Variants in PLCB4 observed in about 807,000 individuals in gnomAD.
The protein encoded by PLCB4 is phospholipase C beta 4.
PLCB4 carries 77 observed loss-of-function variants against 178.8 expected under a neutral mutation model. That is an observed-to-expected ratio of 0.43 (90% CI 0.36 to 0.52). The LOEUF (loss-of-function observed/expected upper bound fraction) is 0.52, where lower values mean the gene tolerates loss of function less well. Ranked by LOEUF, PLCB4 falls within the 20% of genes least tolerant of loss-of-function variation. The pLI is 0.00. For synonymous variants in PLCB4, 496 were observed against 490.8 expected (o/e 1.01, Z -0.14); for missense variants, 1,024 against 1,453.4 (o/e 0.70, Z 4.80).
At chr20:9,445,386 C>A (rs1221456885) in intron 32 of PLCB4, among the ~76,000 whole-genome samples, 3 of 152,160 alleles carry the variant, frequency 2.0e-5, no homozygotes, top group Non-Finnish European at 4.4e-5. Flanking sequence ...AGCCTCAAAC[C>A]AAGGCATGTC....
intron 3 of PLCB4, among the ~76,000 whole-genome samples, chr20:9,240,285 T>C (rs2094044379): frequency 6.6e-6 from 1 of 152,140 alleles, no homozygotes; most frequent in African/African-American, 2.4e-5. Flanking sequence ...GAAGAATTTT[T>C]TTTATGACCA....
At position 9,307,808 on chromosome 20, in the gene PLCB4, T is replaced by C; in HGVS notation, c.-7T>C. The C allele has an allele frequency of 6.4e-7, 1 of 1,553,664 alleles. No homozygotes were observed. The highest frequency in any genetic ancestry group is 8.8e-7 in the Non-Finnish European group (1 of 1,134,762). On this transcript the variant is annotated 5_prime_UTR_variant, in exon 4 of 40. Coordinates refer to ENST00000378473, the MANE Select transcript of PLCB4 (RefSeq NM_001377142.1). ...TTCTTTTTCATTTTTAGGTCTTGAA[T>C]ATAATCATGGCCAAACCTTATGAAT...
rs1170757028 is a variant in PLCB4, at chr20:9,156,877, CTTCT to C, written c.-78-60509_-78-60506del. ...CCTTCCTTCCTTCCTTCCTTCCTTCCTTCTTTCCCTCTTTGGGCTTTAGTGGAGC... is the reference window on the plus strand; with the variant it reads ...CCTTCCTTCCTTCCTTCCTTCCTTCCTTCCCTCTTTGGGCTTTAGTGGAGC... On this transcript the variant is annotated intron_variant, in intron 2 of 39. Coordinates refer to ENST00000378473, the MANE Select transcript of PLCB4 (RefSeq NM_001377142.1). Among the ~76,000 whole-genome samples, 4 of 134,542 alleles carry C rather than the reference CTTCT, an allele frequency of 3.0e-5. No individual in the cohort carries two copies. In the South Asian group the frequency reaches 8.7e-4, roughly 29 times the overall value. 88.3% of individuals were successfully genotyped at this position (134,542 alleles called of 152,430 possible).
At chr20:9,300,901 A>G (rs1281956634) in intron 3 of PLCB4, among the ~76,000 whole-genome samples, 4 of 152,028 alleles carry the variant, frequency 2.6e-5, no homozygotes, top group Non-Finnish European at 5.9e-5. Context: ...AAAGTAACCA[A>G]AATTTATTCT....
chr20:9,071,572 C>G (rs898899865), intron 1 of PLCB4, among the ~76,000 whole-genome samples: 1 of 151,964 alleles, frequency 6.6e-6, no homozygotes, highest in African/African-American at 2.4e-5. Flanking sequence ...ATTTTCATCC[C>G]CAGTTTTTCA....
Position 9,479,074 on chromosome 20 carries a change from G to T in PLCB4, c.*65G>T. On this transcript the variant is annotated 3_prime_UTR_variant, in exon 40 of 40. Transcript: ENST00000378473. ...ACTTCTGAACACAAACTCCATGGAT[G>T]AAAGCTGTTTATTTTGTTTCCTTTA... 1 of 1,101,406 alleles carries T rather than the reference G, an allele frequency of 9.1e-7. No individual in the cohort carries two copies. Among genetic ancestry groups the T allele is most frequent in the South Asian group, 1.3e-5 (1 of 77,216 alleles). 68.2% of individuals were successfully genotyped at this position (1,101,406 alleles called of 1,614,324 possible).
At chr20:9,071,284 T>C (rs2089559503) in intron 1 of PLCB4, among the ~76,000 whole-genome samples, 1 of 152,206 alleles carries the variant, frequency 6.6e-6, no homozygotes, top group Non-Finnish European at 1.5e-5. Context: ...TTTAGATTAA[T>C]GTATACTGCT....
chr20:9,420,750 T>C (rs1424452024), intron 26 of PLCB4, among the ~76,000 whole-genome samples: 1 of 152,246 alleles, frequency 6.6e-6, no homozygotes, highest in Non-Finnish European at 1.5e-5. Context: ...CTATAGTCAT[T>C]TAAACACTAA....
At chr20:9,308,603 C>T (rs2094797168) in intron 4 of PLCB4, among the ~76,000 whole-genome samples, 1 of 152,154 alleles carries the variant, frequency 6.6e-6, no homozygotes. Context: ...ATTAAAACTT[C>T]ATTTAGAGTC....
chr20:9,242,225 T>A (rs1569004818), intron 3 of PLCB4, among the ~76,000 whole-genome samples: 1 of 152,228 alleles, frequency 6.6e-6, no homozygotes, highest in Non-Finnish European at 1.5e-5. Context: ...CAAAGCAGTC[T>A]GCCGCAAGCT....
chr20:9,475,029 C>T (rs1391357115), intron 38 of PLCB4, among the ~76,000 whole-genome samples: 1 of 152,210 alleles, frequency 6.6e-6, no homozygotes, highest in Non-Finnish European at 1.5e-5. Context: ...GATAAAGTCA[C>T]CATCTCCAAA....
intron 2 of PLCB4, among the ~76,000 whole-genome samples, chr20:9,202,959 G>A (rs1490544681): frequency 1.3e-5 from 2 of 149,196 alleles, no homozygotes; most frequent in Non-Finnish European, 3.0e-5. Context: ...GGTAACTGCT[G>A]TATCGCACTG....
chr20:9,460,481 T>G (rs2043323038), intron 35 of PLCB4, among the ~76,000 whole-genome samples: 1 of 152,224 alleles, frequency 6.6e-6, no homozygotes, highest in African/African-American at 2.4e-5. Flanking sequence ...AAGATAAGCC[T>G]GATTAAAAAA....
chr20:9,374,766 G>C lies in PLCB4; in HGVS notation c.744+1662G>C, dbSNP rs559108293. Among the ~76,000 whole-genome samples the C allele has an allele frequency of 2.3e-4, 35 of 152,082 alleles. No individual in the cohort carries two copies. The South Asian group carries it at 6.4e-3, about 28-fold the overall frequency. On this transcript the variant is annotated intron_variant, in intron 12 of 39. Transcript: ENST00000378473. ...TTCCTTTTATGGGTTGTTTTTGTTG[G>C]TGCTCCCAACAGTCACTCCTGTAAT...
chr20:9,381,881 C>T (rs547629527), intron 13 of PLCB4, among the ~76,000 whole-genome samples: 15 of 152,260 alleles, frequency 9.9e-5, no homozygotes, highest in African/African-American at 3.4e-4. Context: ...GATACCAGAG[C>T]GGCACAGTTC....
intron 3 of PLCB4, among the ~76,000 whole-genome samples, chr20:9,226,692 G>A (rs1472316440): frequency 6.6e-6 from 1 of 152,128 alleles, no homozygotes; most frequent in East Asian, 1.9e-4. Flanking sequence ...ATGAGGCTCA[G>A]AACTAATTTC....
intron 4 of PLCB4, among the ~76,000 whole-genome samples, chr20:9,330,379 C>G (rs943763535): frequency 1.3e-5 from 2 of 151,708 alleles, no homozygotes; most frequent in African/African-American, 4.9e-5. Context: ...CCATTCTTAT[C>G]AAACCAGGAA....
At chr20:9,159,533 T>C (rs953672884) in intron 2 of PLCB4, among the ~76,000 whole-genome samples, 4 of 152,326 alleles carry the variant, frequency 2.6e-5, no homozygotes, top group African/African-American at 7.2e-5. Flanking sequence ...TTCATGAACA[T>C]ACTTAAGACT....
intron 3 of PLCB4, among the ~76,000 whole-genome samples, chr20:9,271,354 A>C (rs192787706): frequency 6.6e-5 from 10 of 152,284 alleles, no homozygotes; most frequent in African/African-American, 2.4e-4. Flanking sequence ...CAACTTTATC[A>C]GGTAGGTAGT....
Sources: gnomAD v4.1 joint callset for allele counts (sites outside exome capture counted in the v4.1 genomes callset) on GRCh38, gnomAD v4.1.1 for gene constraint, MANE v1.5 for transcripts, NCBI Gene and HGNC (gene_info 2026-07-23, HGNC 2026-07-21) for gene names.